Variants in EGFL7 observed in about 807,000 individuals in gnomAD.
The protein encoded by EGFL7 is EGF like domain multiple 7.
A neutral mutation model predicts 37.1 loss-of-function variants in EGFL7; 48 were observed. That is an observed-to-expected ratio of 1.29 (90% CI 1.03 to 1.65). The LOEUF (loss-of-function observed/expected upper bound fraction) is 1.65. EGFL7 is among the 40% of genes most tolerant of loss of function. EGFL7 has a pLI of 0.00. For synonymous variants in EGFL7, 180 were observed against 156.8 expected, an observed-to-expected ratio of 1.15 and a Z score of -1.10; for missense variants, 384 against 378.9, an observed-to-expected ratio of 1.01 and a Z score of -0.11.
At position 136,672,269 on chromosome 9, in the gene EGFL7, T is replaced by C. The variant is rs1320744639; in HGVS notation, c.805T>C (p.Cys269Arg). 6 of 1,613,292 alleles carry C rather than the reference T, an allele frequency of 3.7e-6. No individual in the cohort carries two copies. Among genetic ancestry groups the C allele is most frequent in the Non-Finnish European group, 5.1e-6 (6 of 1,179,956 alleles). The stretch of plus-strand genomic sequence containing the variant: ...TTCGCCTCATCCAACCCTAGGCTCC[T>C]GCAAGAAAGACTCGTGACTGCCCAG... ...FLEEQLGSCSCKKDS is the reference protein window; with the variant it reads ...FLEEQLGSCSRKKDS The change falls in exon 11 of 11, where the codon TGC becomes CGC. Residue 269 changes from cysteine (C) to arginine (R), a missense_variant. Cys to Arg is a radical substitution (Grantham distance 180). Coordinates refer to ENST00000308874, the MANE Select transcript of EGFL7 (RefSeq NM_016215.5).
intron 3 of EGFL7, chr9:136,665,716 A>AGGTGG (rs1392595092): frequency 2.3e-4 from 5 of 21,670 alleles, no homozygotes; most frequent in African/African-American, 1.2e-3. Flanking sequence ...CGGGGCCGCC[A>AGGTGG]GGTGGGGCGG....
chr9:136,672,540 G>C lies in EGFL7; in HGVS notation c.*254G>C. The C allele has an allele frequency of 1.7e-6, 1 of 596,978 alleles. No individual in the cohort carries two copies. The allele number at this position is 596,978 out of a possible 1,614,324, so 37.0% of individuals were successfully genotyped here. A position where few individuals can be genotyped will look rare whatever the true frequency, so the allele number is the denominator to read the frequency against. ...TACCCCAACGGCATCCCAAGGCCAG[G>C]TGGGCCCTCAGCTGAGGGAAGGTAC... is the stretch of plus-strand genomic sequence containing the variant. On this transcript the variant is annotated 3_prime_UTR_variant, in exon 11 of 11. Coordinates refer to ENST00000308874, the MANE Select transcript of EGFL7 (RefSeq NM_016215.5).
Position 136,670,302 on chromosome 9 carries a change from G to C in EGFL7, c.543G>C (p.Gly181=). The C allele has an allele frequency of 6.3e-7, 1 of 1,595,852 alleles. No individual in the cohort carries two copies. The highest frequency in any genetic ancestry group is 1.1e-5 in the South Asian group (1 of 89,884). The part of the protein sequence containing the change: ...ADGTLCVPKG[G]PPRVAPNPTG... ...GTACACTCTGTGTGCCCAAGGGAGGGCCCCCCAGGGTGGCCCCCAACCCGA... is the reference window on the plus strand; with the variant it reads ...GTACACTCTGTGTGCCCAAGGGAGGCCCCCCCAGGGTGGCCCCCAACCCGA... Residue 181 remains glycine (G), a synonymous_variant, in exon 8 of 11, where the codon GGG becomes GGC. Coordinates refer to ENST00000308874, the MANE Select transcript of EGFL7 (RefSeq NM_016215.5).
intron 5 of EGFL7, 117 bp downstream of exon 5, chr9:136,668,790 C>T: frequency 2.0e-6 from 2 of 977,520 alleles, no homozygotes; most frequent in South Asian, 2.9e-5. Context: ...AAACTGAGGC[C>T]AGAGCCATGA....
Position 136,668,241 on chromosome 9 carries a change from G to C in EGFL7, c.-42G>C. The C allele has an allele frequency of 6.4e-7, 1 of 1,553,154 alleles. No individual in the cohort carries two copies. Among genetic ancestry groups the C allele is most frequent in the Non-Finnish European group, 8.7e-7 (1 of 1,143,910 alleles). ...TTAGGGGTCATGCTTTGTGCCCCAG[G>C]CCACCCAGAGGAGAAGGCCACCCCG... On this transcript the variant is annotated splice_region_variant and 5_prime_UTR_variant, in exon 4 of 11. Coordinates refer to ENST00000308874, the MANE Select transcript of EGFL7 (RefSeq NM_016215.5).
At chr9:136,662,073 A>G (rs1845181626), upstream of EGFL7, among the ~76,000 whole-genome samples, 1 of 143,040 alleles carries the variant, frequency 7.0e-6, no homozygotes, top group African/African-American at 2.6e-5. Context: ...GTGAACAGGG[A>G]AGATGAGGGT....
At chr9:136,662,474 G>T (rs1845208300), upstream of EGFL7, among the ~76,000 whole-genome samples, 3 of 152,178 alleles carry the variant, frequency 2.0e-5, no homozygotes, top group Admixed American at 2.0e-4. Flanking sequence ...CTTGGCCTGG[G>T]GCCCCTCCAA....
rs112590839 is a variant in EGFL7 at position 136,668,348 on chromosome 9, C to A, written c.66C>A (p.His22Gln). 1.9e-6 allele frequency: 3 copies of A among 1,601,574 alleles called. No individual in the cohort carries two copies. The East Asian group carries it at 6.7e-5, about 36-fold the overall frequency. Reference sequence around the variant, plus strand: ...TGTTGGCAGTGGGCGGCACAGAGCACGCCTACCGGCCCGGGTGAGCCAAGC... The same window carrying A: ...TGTTGGCAGTGGGCGGCACAGAGCAAGCCTACCGGCCCGGGTGAGCCAAGC... ...LLVLAVGGTEHAYRPGRRVCA... is the reference protein window; with the variant it reads ...LLVLAVGGTEQAYRPGRRVCA... The change falls in exon 4 of 11, where the codon CAC (histidine) becomes CAA (glutamine). Residue 22 changes from histidine to glutamine, a missense_variant. Coordinates refer to ENST00000308874, the MANE Select transcript of EGFL7 (RefSeq NM_016215.5).
rs1351418755 is a variant in EGFL7, at chr9:136,669,963, C to T, written c.363C>T (p.Gly121=). Residue 121 remains glycine, a synonymous_variant, in exon 7 of 11, where the codon GGC becomes GGT. Coordinates refer to ENST00000308874, the MANE Select transcript of EGFL7 (RefSeq NM_016215.5). ...CRNGGSCVQP[G]RCRCPAGWRG... ...ACGGAGGGAGCTGTGTCCAGCCTGGCCGCTGCCGCTGCCCTGCAGGATGGC... is the reference window on the plus strand; with the variant it reads ...ACGGAGGGAGCTGTGTCCAGCCTGGTCGCTGCCGCTGCCCTGCAGGATGGC... 1 of 1,604,202 alleles carries T rather than the reference C, an allele frequency of 6.2e-7. No individual in the cohort carries two copies. The highest frequency in any genetic ancestry group is 1.3e-5 in the African/African-American group (1 of 74,890).
rs1845726102 is a variant in EGFL7, at chr9:136,669,851, C to T, written c.314-63C>T. ...TTGCCGCAGAGCACCCACTCCCTAGCAGCTGCCCCCACAGGGTGCTGGGGA... is the reference window on the plus strand; with the variant it reads ...TTGCCGCAGAGCACCCACTCCCTAGTAGCTGCCCCCACAGGGTGCTGGGGA... On this transcript the variant is annotated intron_variant, in intron 6 of 10. Transcript: ENST00000308874. 3 of 1,479,092 alleles carry T rather than the reference C, an allele frequency of 2.0e-6. No homozygotes were observed. In the South Asian group the frequency reaches 3.8e-5, roughly 18 times the overall value. 91.6% of individuals were successfully genotyped at this position (1,479,092 alleles called of 1,614,324 possible).
At chr9:136,672,161 T>A in intron 10 of EGFL7, 73 bp downstream of exon 10, 1 of 1,590,480 alleles carries the variant, frequency 6.3e-7, no homozygotes, top group African/African-American at 1.3e-5. Context: ...TACCCAGGCT[T>A]GGGGGTCGGG....
intron 2 of EGFL7, among the ~76,000 whole-genome samples, chr9:136,664,252 A>G (rs1845323561): frequency 6.6e-6 from 1 of 152,126 alleles, no homozygotes; most frequent in Non-Finnish European, 1.5e-5. Flanking sequence ...TGGCCACTGG[A>G]TTGCAGGGTG....
intron 4 of EGFL7, 53 bp downstream of exon 4, chr9:136,668,415 A>T: frequency 6.5e-7 from 1 of 1,528,370 alleles, no homozygotes; most frequent in Admixed American, 1.9e-5. Flanking sequence ...GGGAGCCCTC[A>T]GCACCTCCTA....
chr9:136,669,474 C>T, intron 5 of EGFL7, 132 bp from the exon 6 acceptor site: 1 of 658,802 alleles, frequency 1.5e-6, no homozygotes, highest in South Asian at 1.9e-5. Context: ...CCCTCAGTGC[C>T]ATCCCTTGAG....
chr9:136,671,870 G>A (rs908238691), intron 9 of EGFL7, 56 bp from the exon 10 acceptor site: 99 of 1,445,860 alleles, frequency 6.8e-5, no homozygotes, highest in Non-Finnish European at 8.0e-5. Flanking sequence ...CCTAGACCCC[G>A]GTGGAGCAGA....
In EGFL7 at chr9:136,672,279, A is replaced by C. The variant is rs763214757; in HGVS notation, c.815A>C (p.Asp272Ala). The C allele has an allele frequency of 2.5e-6, 4 of 1,613,048 alleles. No homozygotes were observed. In the South Asian group the frequency reaches 3.3e-5, roughly 13 times the overall value. The change falls in exon 11 of 11, where the codon GAC (aspartate) becomes GCC (alanine). Residue 272 changes from aspartate to alanine, a missense_variant. Transcript: ENST00000308874. The stretch of plus-strand genomic sequence containing the variant: ...CCAACCCTAGGCTCCTGCAAGAAAG[A>C]CTCGTGACTGCCCAGCGCCCCAGGC... ...EQLGSCSCKKDS is the reference protein window; with the variant it reads ...EQLGSCSCKKAS
chr9:136,670,899 T>C lies in EGFL7; in HGVS notation c.572-51T>C, dbSNP rs375257256. ...CTGGGGACAGGAGGGAGCCTGGGGG[T>C]GTGGGTGGGGAGCCGGCCGGCCGTG... is the stretch of plus-strand genomic sequence containing the variant. On this transcript the variant is annotated intron_variant, in intron 8 of 10. Coordinates refer to ENST00000308874, the MANE Select transcript of EGFL7 (RefSeq NM_016215.5). 4.6e-4 allele frequency: 671 copies of C among 1,449,224 alleles called. 3 individuals are homozygous for C. In the African/African-American group the frequency reaches 8.9e-3, roughly 19 times the overall value. The allele number at this position is 1,449,224 out of a possible 1,614,324, so 89.8% of individuals were successfully genotyped here. A position where few individuals can be genotyped will look rare whatever the true frequency, so the allele number is the denominator to read the frequency against.
Position 136,668,020 on chromosome 9 carries a change from G to T in EGFL7, c.-42-221G>T, listed in dbSNP as rs554394522. 3.9e-3 allele frequency among the ~76,000 whole-genome samples: 591 copies of T among 152,182 alleles called. 5 individuals carry two copies. The highest frequency in any genetic ancestry group is 0.014 in the African/African-American group (568 of 41,496). The stretch of plus-strand genomic sequence containing the variant: ...AGCTCTGGACAGCGTCACCCCCCCT[G>T]TGCCCCCAGGCTGTGGCCCCAGCTG... On this transcript the variant is annotated intron_variant, in intron 3 of 10. Transcript: ENST00000308874.
At position 136,668,011 on chromosome 9, in the gene EGFL7, A is replaced by AC. The variant is rs35002222; in HGVS notation, c.-42-223dup. Reference sequence around the variant, plus strand: ...TGCACCAAGAGCTCTGGACAGCGTCACCCCCCCTGTGCCCCCAGGCTGTGG... The same window carrying AC: ...TGCACCAAGAGCTCTGGACAGCGTCACCCCCCCCTGTGCCCCCAGGCTGTGG... On this transcript the variant is annotated intron_variant, in intron 3 of 10. Transcript: ENST00000308874. Among the ~76,000 whole-genome samples the AC allele has an allele frequency of 5.6e-3, 842 of 151,574 alleles. 3 individuals carry two copies. The highest frequency in any genetic ancestry group is 0.015 in the African/African-American group (637 of 41,236).
Sources: gnomAD v4.1 joint callset for allele counts (sites outside exome capture counted in the v4.1 genomes callset) on GRCh38, gnomAD v4.1.1 for gene constraint, MANE v1.5 for transcripts, NCBI Gene and HGNC (gene_info 2026-07-23, HGNC 2026-07-21) for gene names.